The following SUZ12 variants were observed in gnomAD, a reference collection of about 807,000 sequenced individuals.
SUZ12 encodes the protein SUZ12 polycomb repressive complex 2 subunit, also known as polycomb protein SUZ12.
Under a neutral mutation model 87.3 loss-of-function variants are expected in SUZ12, and 17 were observed. That is an observed-to-expected ratio of 0.19 (90% CI 0.13 to 0.29). SUZ12 has a LOEUF of 0.29. Ranked by LOEUF, SUZ12 falls within the 10% of genes least tolerant of loss-of-function variation. The pLI is 1.00. For synonymous variants in SUZ12, 253 were observed against 312.4 expected (o/e 0.81, Z 2.01); for missense variants, 526 against 912.2 (o/e 0.58, Z 5.45).
At position 31,988,489 on chromosome 17, in the gene SUZ12, A is replaced by C; in HGVS notation, c.1193A>C (p.Gln398Pro). ...AAGCCTGGTTCAGTTAAACCTACTC[A>C]AACTATTGGTAAGAAAACATTGCAA... ...ENKPGSVKPT[Q>P]TIAVKESLTT... is the part of the protein sequence containing the mutation. The change falls in exon 10 of 16, where the codon CAA becomes CCA. Residue 398 changes from glutamine to proline, a missense_variant. This residue lies in a region of SUZ12 where 85 missense variants were observed against 87.4 expected (regional missense o/e 0.97). Coordinates refer to ENST00000322652, the MANE Select transcript of SUZ12 (RefSeq NM_015355.4). 6.3e-7 allele frequency: 1 copy of C among 1,596,896 alleles called. No individual in the cohort carries two copies. The highest frequency in any genetic ancestry group is 1.7e-4 in the Middle Eastern group (1 of 5,984).
chr17:31,950,165 A>G (rs2142133057), intron 4 of SUZ12, among the ~76,000 whole-genome samples: 1 of 131,196 alleles, frequency 7.6e-6, no homozygotes, highest in Non-Finnish European at 1.6e-5. Flanking sequence ...TTTTTCTTGA[A>G]CTCCTGACCT....
chr17:31,967,248 CTG>C (rs1908152783), intron 5 of SUZ12: 1 of 149,890 alleles, frequency 6.7e-6, no homozygotes, highest in Non-Finnish European at 1.5e-5. Flanking sequence ...CATCATAAGT[CTG>C]TGTATATGGC....
chr17:31,965,380 C>T lies in SUZ12; in HGVS notation c.456-767C>T, dbSNP rs938664926. Reference sequence around the variant, plus strand: ...TGTGTTTTGCAGTTTAAAGGTACTTCAAAAGCTTATTGATGCTTCTGTTTA... The same window carrying T: ...TGTGTTTTGCAGTTTAAAGGTACTTTAAAAGCTTATTGATGCTTCTGTTTA... On this transcript the variant is annotated intron_variant, in intron 4 of 15. Transcript: ENST00000322652. Among the ~76,000 whole-genome samples, 22 of 152,118 alleles carry T rather than the reference C, an allele frequency of 1.4e-4. 1 individual carries two copies. The highest frequency in any genetic ancestry group is 5.3e-4 in the African/African-American group (22 of 41,428).
intron 10 of SUZ12, among the ~76,000 whole-genome samples, chr17:31,991,153 GTCC>G (rs2142210112): frequency 6.6e-6 from 1 of 152,290 alleles, no homozygotes; most frequent in Non-Finnish European, 1.5e-5. Context: ...GGCGTAAGTT[GTCC>G]TCCTTGACCA....
intron 1 of SUZ12, among the ~76,000 whole-genome samples, chr17:31,939,610 G>A (rs1319424484): frequency 6.6e-6 from 1 of 150,822 alleles, no homozygotes; most frequent in African/African-American, 2.4e-5. Context: ...GGCAGCCTCC[G>A]CCTCCCAGGT....
chr17:31,987,483 A>G (rs1567835157), intron 9 of SUZ12, among the ~76,000 whole-genome samples: 1 of 152,214 alleles, frequency 6.6e-6, no homozygotes, highest in Non-Finnish European at 1.5e-5. Context: ...AAATCAAAGA[A>G]GGGAAGCACT....
Position 31,996,895 on chromosome 17 carries a change from T to C in SUZ12, c.1874+18T>C. ...AAGCATGGGTAGGGTATTTCTAAAT[T>C]AATTTAAATATTTTATTATTCTTTA... On this transcript the variant is annotated intron_variant, in intron 15 of 15. Coordinates refer to ENST00000322652, the MANE Select transcript of SUZ12 (RefSeq NM_015355.4). The C allele has an allele frequency of 7.2e-7, 1 of 1,391,016 alleles. No individual in the cohort carries two copies. The highest frequency in any genetic ancestry group is 9.5e-7 in the Non-Finnish European group (1 of 1,049,796). 86.2% of individuals were successfully genotyped at this position (1,391,016 alleles called of 1,614,324 possible). A position where few individuals can be genotyped will look rare whatever the true frequency, so the allele number is the denominator to read the frequency against.
rs71375493 is a variant in SUZ12, at chr17:31,994,094, T to G, written c.1437+86T>G. 6,466 of 1,338,692 alleles carry G rather than the reference T, an allele frequency of 4.8e-3. 277 individuals are homozygous for G. The African/African-American group carries it at 0.084, about 17-fold the overall frequency. The allele number at this position is 1,338,692 out of a possible 1,614,324, so 82.9% of individuals were successfully genotyped here. On this transcript the variant is annotated intron_variant, in intron 12 of 15. Coordinates refer to ENST00000322652, the MANE Select transcript of SUZ12 (RefSeq NM_015355.4). ...TATACATCTATGTACCCACAAAAAT[T>G]TTTTAAATTAAAAAAGGGAAAAAAT...
At chr17:31,945,331 C>G (rs1906573222) in intron 3 of SUZ12, among the ~76,000 whole-genome samples, 1 of 152,138 alleles carries the variant, frequency 6.6e-6, no homozygotes, top group African/African-American at 2.4e-5. Context: ...GTCATACTCT[C>G]AGTCGTGATA....
intron 9 of SUZ12, among the ~76,000 whole-genome samples, chr17:31,985,106 C>T (rs1375543483): frequency 7.3e-6 from 1 of 137,214 alleles, no homozygotes; most frequent in Non-Finnish European, 1.5e-5. Flanking sequence ...TTTCAGTGAG[C>T]TGAGATTTTG....
chr17:31,953,653 C>A (rs1327782867), intron 4 of SUZ12, among the ~76,000 whole-genome samples: 1 of 151,920 alleles, frequency 6.6e-6, no homozygotes, highest in Non-Finnish European at 1.5e-5. Flanking sequence ...AGTGATCCTC[C>A]CACCTCGACA....
rs145826047 is a variant in SUZ12, at chr17:31,969,096, C to T, written c.505+2900C>T. Among the ~76,000 whole-genome samples, 432 of 152,298 alleles carry T rather than the reference C, an allele frequency of 2.8e-3. 1 individual carries two copies. The highest frequency in any genetic ancestry group is 0.01 in the African/African-American group (418 of 41,560). On this transcript the variant is annotated intron_variant, in intron 5 of 15. Transcript: ENST00000322652. ...GGTTCAAGTGATTCTCATGCCTCCA[C>T]CTCCCAAGTATCTGGGATTACAGGC...
At chr17:31,944,428 A>G (rs934988806) in intron 3 of SUZ12, among the ~76,000 whole-genome samples, 4 of 152,238 alleles carry the variant, frequency 2.6e-5, no homozygotes, top group African/African-American at 9.6e-5. Context: ...ACGTCCTGCT[A>G]AAAAGTACAC....
At chr17:31,963,841 T>C (rs1029669689) in intron 4 of SUZ12, 19 of 152,258 alleles carry the variant, frequency 1.2e-4, no homozygotes, top group African/African-American at 4.3e-4. Context: ...TTTTTAACTT[T>C]ATATTTTTGC....
intron 4 of SUZ12, among the ~76,000 whole-genome samples, chr17:31,955,462 T>C (rs1907254796): frequency 6.6e-6 from 1 of 151,948 alleles, no homozygotes; most frequent in African/African-American, 2.4e-5. Context: ...TTGTAAAATT[T>C]TGTAGCCGGG....
In SUZ12 at chr17:31,985,345, C is replaced by T. The variant is rs1266365569; in HGVS notation, c.1023+2241C>T. Among the ~76,000 whole-genome samples the T allele has an allele frequency of 7.3e-5, 11 of 151,440 alleles. No individual in the cohort carries two copies. The South Asian group carries it at 1.5e-3, about 20-fold the overall frequency. On this transcript the variant is annotated intron_variant, in intron 9 of 15. Transcript: ENST00000322652. Reference sequence around the variant, plus strand: ...TCTCAGCATTTTTTAAATAATGAAACATTAGAAACATGTTAAATCTAAAAA... The same window carrying T: ...TCTCAGCATTTTTTAAATAATGAAATATTAGAAACATGTTAAATCTAAAAA...
At chr17:31,970,306 C>A (rs1181595282) in intron 5 of SUZ12, among the ~76,000 whole-genome samples, 1 of 152,058 alleles carries the variant, frequency 6.6e-6, no homozygotes, top group Non-Finnish European at 1.5e-5. Context: ...ACACACACAC[C>A]CCCAATAAGA....
chr17:31,966,765 TGAAATAACCACTATTACC>T (rs1256792467), intron 5 of SUZ12: 4 of 152,222 alleles, frequency 2.6e-5, no homozygotes, highest in African/African-American at 9.7e-5. Context: ...GTAAAACAAC[TGAAATAACCACTATTACC>T]AATGGCATAT....
intron 8 of SUZ12, among the ~76,000 whole-genome samples, chr17:31,980,312 A>T (rs549029410): frequency 6.6e-6 from 1 of 151,930 alleles, no homozygotes; most frequent in Admixed American, 6.6e-5. Flanking sequence ...TTAATGCTCA[A>T]ATTGTCTCAT....
Sources: gnomAD v4.1 joint callset for allele counts (sites outside exome capture counted in the v4.1 genomes callset) on GRCh38, gnomAD v4.1.1 for gene constraint, gnomAD v4.1.1 regional missense constraint, MANE v1.5 for transcripts, NCBI Gene and HGNC (gene_info 2026-07-23, HGNC 2026-07-21) for gene names.